Variants in FLNB observed in about 807,000 individuals in gnomAD.
FLNB encodes the protein filamin-B.
FLNB carries 111 observed loss-of-function variants against 250.6 expected under a neutral mutation model. The observed-to-expected ratio is 0.44, with a 90% confidence interval of 0.38 to 0.52. FLNB has a LOEUF of 0.52. FLNB is among the 20% of genes least tolerant of loss of function. The probability of loss-of-function intolerance (pLI) is 0.00; values close to 1 mark genes in which losing one functional copy is unlikely to be tolerated. For missense variants in FLNB, 2,869 were observed against 3,447.8 expected, an observed-to-expected ratio of 0.83 and a Z score of 4.20; for synonymous variants, 1,302 against 1,372.1, an observed-to-expected ratio of 0.95 and a Z score of 1.13.
At chr3:58,155,788 C>G (rs953519705) in intron 40 of FLNB, among the ~76,000 whole-genome samples, 172 bp from the exon 41 acceptor site, 1 of 152,180 alleles carries the variant, frequency 6.6e-6, no homozygotes, top group African/African-American at 2.4e-5. Context: ...CCTTACCCCA[C>G]TAAGGAAATC....
intron 8 of FLNB, among the ~76,000 whole-genome samples, chr3:58,099,336 T>A (rs1320953992): frequency 2.6e-5 from 4 of 152,114 alleles, no homozygotes; most frequent in South Asian, 2.1e-4. Flanking sequence ...GTGTTGCAGG[T>A]GCTATTATTA....
At chr3:58,130,683 G>A in intron 24 of FLNB, 58 bp from the exon 25 acceptor site, 3 of 1,570,554 alleles carry the variant, frequency 1.9e-6, no homozygotes, top group Non-Finnish European at 2.6e-6. Flanking sequence ...TTCTGGGTGT[G>A]CACAAGGTGG....
chr3:58,013,258 T>C (rs2097101487), intron 1 of FLNB, among the ~76,000 whole-genome samples: 1 of 152,216 alleles, frequency 6.6e-6, no homozygotes, highest in Admixed American at 6.5e-5. Context: ...AGGAATTGTT[T>C]CCTTTTCAGA....
chr3:58,058,694 C>G (rs1384840072), intron 1 of FLNB, among the ~76,000 whole-genome samples: 1 of 152,210 alleles, frequency 6.6e-6, no homozygotes, highest in Non-Finnish European at 1.5e-5. Flanking sequence ...TGTCCTTTAT[C>G]TGCAAAACTT....
At chr3:58,090,088 G>A (rs956059086) in intron 4 of FLNB, among the ~76,000 whole-genome samples, 2 of 151,954 alleles carry the variant, frequency 1.3e-5, no homozygotes, top group African/African-American at 4.8e-5. Context: ...TGAGCCACTG[G>A]ACCCGGCCTC....
chr3:58,046,973 C>A (rs969802480), intron 1 of FLNB, among the ~76,000 whole-genome samples: 1 of 152,148 alleles, frequency 6.6e-6, no homozygotes, highest in Non-Finnish European at 1.5e-5. Flanking sequence ...TTCTTTTTTA[C>A]GGCCAAGTGT....
At chr3:58,137,030 T>A (rs1294165759) in intron 28 of FLNB, among the ~76,000 whole-genome samples, 2 of 152,114 alleles carry the variant, frequency 1.3e-5, no homozygotes, top group African/African-American at 4.8e-5. Context: ...GGCCTTTCAG[T>A]TTTTAAGAAC....
intron 1 of FLNB, among the ~76,000 whole-genome samples, chr3:58,029,588 T>C (rs531792188): frequency 2.0e-5 from 3 of 152,046 alleles, no homozygotes; most frequent in African/African-American, 7.2e-5. Flanking sequence ...CACTGCAGTC[T>C]TCACCTCCTG....
intron 39 of FLNB, among the ~76,000 whole-genome samples, chr3:58,154,297 C>A (rs530036315): frequency 1.3e-5 from 2 of 152,110 alleles, no homozygotes; most frequent in East Asian, 3.9e-4. Context: ...AACTCTAGCA[C>A]TTTGCAAGGC....
At chr3:58,125,250 A>G (rs569696144) in intron 22 of FLNB, among the ~76,000 whole-genome samples, 1 of 152,276 alleles carries the variant, frequency 6.6e-6, no homozygotes, top group Non-Finnish European at 1.5e-5. Context: ...CTCCTGCCTC[A>G]GCCCCCTGAG....
rs112821703 is a variant in FLNB, at chr3:58,038,308, C to T, written c.292+29452C>T. ...CCTCCCAAAGTGTGGGGATTACAGG[C>T]GTGAGCCACCATGCTCGGCCTGTTC... On this transcript the variant is annotated intron_variant, in intron 1 of 45. Transcript: ENST00000295956. 3.4e-3 allele frequency among the ~76,000 whole-genome samples: 524 copies of T among 152,128 alleles called. 3 individuals are homozygous for T. Among genetic ancestry groups the T allele is most frequent in the African/African-American group, 0.011 (456 of 41,524 alleles).
Position 58,124,415 on chromosome 3 carries a change from A to G in FLNB, c.3808A>G (p.Ile1270Val), listed in dbSNP as rs1267563736. ...TGGGGGTGACCACATCAAGGCCCAC[A>G]TTGCCAACCCCTCAGGGGCCTCCAC... is the stretch of plus-strand genomic sequence containing the variant. ...QVGGDHIKAHIANPSGASTEC... is the reference protein window; with the variant it reads ...QVGGDHIKAHVANPSGASTEC... Residue 1270 changes from isoleucine to valine, a missense_variant, in exon 22 of 46, where the codon ATT (isoleucine) becomes GTT (valine). Physicochemically the swap from Ile to Val is conservative, Grantham distance 29. This residue lies in a region of FLNB where 1,348 missense variants were observed against 1,466.7 expected (regional missense o/e 0.92). Coordinates refer to ENST00000295956, the MANE Select transcript of FLNB (RefSeq NM_001457.4). 2 of 1,614,216 alleles carry G rather than the reference A, an allele frequency of 1.2e-6. No individual in the cohort carries two copies. The highest frequency in any genetic ancestry group is 1.7e-5 in the Admixed American group (1 of 60,026).
rs1266384574 is a variant in FLNB, at chr3:58,126,702, A to G, written c.4162A>G (p.Ile1388Val). 3.1e-6 allele frequency: 5 copies of G among 1,614,086 alleles called. No homozygotes were observed. Among genetic ancestry groups the G allele is most frequent in the South Asian group, 1.1e-5 (1 of 91,082 alleles). ...NKDGSCSAEY[I>V]PFAPGDYDVN... ...GGATGGCAGCTGCAGTGCTGAGTAC[A>G]TTCCTTTCGCACCGGGGGATTACGA... Residue 1388 changes from isoleucine to valine, a missense_variant, in exon 24 of 46, where the codon ATT becomes GTT. Ile to Val is a conservative substitution (Grantham distance 29, BLOSUM62 3). Transcript: ENST00000295956.
chr3:58,113,064 G>A (rs1301429164), intron 18 of FLNB, among the ~76,000 whole-genome samples: 2 of 152,104 alleles, frequency 1.3e-5, no homozygotes, highest in Admixed American at 6.5e-5. Context: ...AAAATTTACC[G>A]TCTTAACCAT....
chr3:58,153,333 C>T (rs1341222570), intron 38 of FLNB, 42 bp from the exon 39 acceptor site: 1 of 1,613,032 alleles, frequency 6.2e-7, no homozygotes. Flanking sequence ...CAGGCCCTTG[C>T]CCTAACCCTC....
rs563598893 is a variant in FLNB, at chr3:58,055,892, C to T, written c.293-21154C>T. On this transcript the variant is annotated intron_variant, in intron 1 of 45. Transcript: ENST00000295956. ...TAAAATGTGTAATAACAAGATCTAA[C>T]AGTGAGTCTAAGAACTACTATAATT... Among the ~76,000 whole-genome samples, 6 of 152,104 alleles carry T rather than the reference C, an allele frequency of 3.9e-5. No homozygotes were observed. In the South Asian group the frequency reaches 1.2e-3, roughly 32 times the overall value.
At chr3:58,141,977 T>G in intron 30 of FLNB, 48 bp downstream of exon 30, 1 of 1,529,094 alleles carries the variant, frequency 6.5e-7, no homozygotes, top group Non-Finnish European at 9.1e-7. Context: ...TTACTCAGCC[T>G]TCATTTCAGA....
intron 4 of FLNB, among the ~76,000 whole-genome samples, chr3:58,084,242 C>T (rs73837285): frequency 6.6e-6 from 1 of 150,890 alleles, no homozygotes; most frequent in Non-Finnish European, 1.5e-5. Context: ...CAGGTGGTGG[C>T]TGGAATGAGG....
At chr3:58,086,916 C>A (rs1329978513) in intron 4 of FLNB, among the ~76,000 whole-genome samples, 1 of 152,096 alleles carries the variant, frequency 6.6e-6, no homozygotes, top group African/African-American at 2.4e-5. Flanking sequence ...AGATCGAGAC[C>A]ATCCTGGCCA....
Sources: gnomAD v4.1 joint callset for allele counts (sites outside exome capture counted in the v4.1 genomes callset) on GRCh38, gnomAD v4.1.1 for gene constraint, gnomAD v4.1.1 regional missense constraint, MANE v1.5 for transcripts, NCBI Gene and HGNC (gene_info 2026-07-23, HGNC 2026-07-21) for gene names.